CPE: variants seen among roughly 807,000 people sequenced by gnomAD.
The protein encoded by CPE is carbocypeptidase E.
A neutral mutation model predicts 53.5 loss-of-function variants in CPE; 17 were observed. The observed-to-expected ratio is 0.32, with a 90% CI of 0.22 to 0.48. The LOEUF is 0.48. Ranked by LOEUF, CPE falls within the 20% of genes least tolerant of loss-of-function variation. The pLI, the probability that CPE is intolerant of heterozygous loss-of-function variation, is 0.99. For missense variants in CPE, 524 were observed against 614.7 expected (o/e 0.85, Z 1.56); for synonymous variants, 226 against 228.8 (o/e 0.99, Z 0.11).
In CPE at chr4:165,421,316, A is replaced by G. The variant is rs56171549; in HGVS notation, c.307+41788A>G. On this transcript the variant is annotated intron_variant, in intron 1 of 8. Coordinates refer to ENST00000402744, the MANE Select transcript of CPE (RefSeq NM_001873.4). ...ACTTTTAGGACCTACGTGCCTGGCC[A>G]TAGCCTGGCCATAGCTCCTGGTCCT... Among the ~76,000 whole-genome samples, 513 of 152,340 alleles carry G rather than the reference A, an allele frequency of 3.4e-3. 2 individuals carry two copies. Among genetic ancestry groups the G allele is most frequent in the Middle Eastern group, 6.8e-3 (2 of 294 alleles).
intron 1 of CPE, among the ~76,000 whole-genome samples, chr4:165,392,419 G>C (rs1730698167): frequency 7.0e-6 from 1 of 143,008 alleles, no homozygotes; most frequent in African/African-American, 2.6e-5. Context: ...CTAATCTTTG[G>C]GTATTAATGA....
At chr4:165,411,213 TG>T (rs1194659721) in intron 1 of CPE, among the ~76,000 whole-genome samples, 1 of 152,158 alleles carries the variant, frequency 6.6e-6, no homozygotes, top group African/African-American at 2.4e-5. Flanking sequence ...AAAAAGACAT[TG>T]TTGGAAAGGG....
chr4:165,386,372 G>A, intron 1 of CPE: 1 of 423,052 alleles, frequency 2.4e-6, no homozygotes, highest in Non-Finnish European at 4.7e-6. Flanking sequence ...ATTATGCTTG[G>A]GACATAGTGG....
At chr4:165,434,468 A>G (rs1410256973) in intron 1 of CPE, among the ~76,000 whole-genome samples, 1 of 152,200 alleles carries the variant, frequency 6.6e-6, no homozygotes, top group Non-Finnish European at 1.5e-5. Context: ...GAACCACATG[A>G]AACTACCTAT....
intron 4 of CPE, among the ~76,000 whole-genome samples, chr4:165,483,139 C>G (rs894397620): frequency 6.6e-6 from 1 of 152,002 alleles, no homozygotes; most frequent in Admixed American, 6.6e-5. Context: ...TCACCCCTCA[C>G]CTCCTCCCAT....
intron 1 of CPE, among the ~76,000 whole-genome samples, chr4:165,460,175 C>T (rs747116033): frequency 1.4e-4 from 22 of 151,750 alleles, no homozygotes; most frequent in Non-Finnish European, 2.4e-4. Flanking sequence ...CAAACGTCAT[C>T]CATTTACGCA....
chr4:165,477,559 T>TAC, intron 3 of CPE, among the ~76,000 whole-genome samples: 1 of 152,300 alleles, frequency 6.6e-6, no homozygotes, highest in African/African-American at 2.4e-5. Context: ...TCATTAATGT[T>TAC]ATTATACATT....
chr4:165,449,684 T>C (rs1477197941), intron 1 of CPE, among the ~76,000 whole-genome samples: 1 of 152,186 alleles, frequency 6.6e-6, no homozygotes, highest in Non-Finnish European at 1.5e-5. Flanking sequence ...TTTCGTGCAA[T>C]TTCATGTAAA....
At chr4:165,401,052 A>AT (rs59154389) in intron 1 of CPE, among the ~76,000 whole-genome samples, 27,219 of 149,830 alleles carry the variant, frequency 0.18, 2,774 homozygotes, top group African/African-American at 0.28. Context: ...ACCTTATTTG[A>AT]TTTTTTTTTT....
At chr4:165,400,982 A>G (rs1458061347) in intron 1 of CPE, among the ~76,000 whole-genome samples, 1 of 152,084 alleles carries the variant, frequency 6.6e-6, no homozygotes, top group Non-Finnish European at 1.5e-5. Flanking sequence ...ATAAATTATG[A>G]GTTATCCCAG....
intron 1 of CPE, among the ~76,000 whole-genome samples, chr4:165,410,562 G>A (rs1731025906): frequency 1.3e-5 from 2 of 152,158 alleles, no homozygotes; most frequent in Non-Finnish European, 2.9e-5. Flanking sequence ...CTTGATTTAA[G>A]AGGCAGAAGT....
intron 1 of CPE, among the ~76,000 whole-genome samples, chr4:165,410,233 A>G (rs1212219333): frequency 7.0e-6 from 1 of 143,054 alleles, no homozygotes; most frequent in Non-Finnish European, 1.5e-5. Flanking sequence ...TGACAGAGGG[A>G]TACTCTGTAA....
At position 165,467,809 on chromosome 4, in the gene CPE, A is replaced by G; in HGVS notation, c.626A>G (p.Asn209Ser). 1.2e-6 allele frequency: 2 copies of G among 1,613,826 alleles called. No homozygotes were observed. The highest frequency in any genetic ancestry group is 1.7e-6 in the Non-Finnish European group (2 of 1,179,830). The change falls in exon 3 of 9, where the codon AAT becomes AGT. Residue 209 changes from asparagine to serine, a missense_variant. Physicochemically the swap from Asn to Ser is conservative, Grantham distance 46 (BLOSUM62 1). Coordinates refer to ENST00000402744, the MANE Select transcript of CPE (RefSeq NM_001873.4). ...YVNEKEGGPNNHLLKNMKKIV... is the reference protein window; with the variant it reads ...YVNEKEGGPNSHLLKNMKKIV... The stretch of plus-strand genomic sequence containing the variant: ...AATGAGAAAGAAGGTGGTCCAAATA[A>G]TCATCTGTTGAAAAATATGAAGAAA...
Position 165,487,481 on chromosome 4 carries a change from C to G in CPE, c.1017C>G (p.Ile339Met). The change falls in exon 6 of 9, where the codon ATC becomes ATG. Residue 339 changes from isoleucine to methionine, a missense_variant. Physicochemically the swap from Ile to Met is conservative, Grantham distance 10. Coordinates refer to ENST00000402744, the MANE Select transcript of CPE (RefSeq NM_001873.4). ...FNYLSSNCFE[I>M]TVELSCEKFP... is the part of the protein sequence containing the mutation. ...ACCTTAGCAGCAACTGTTTTGAGAT[C>G]ACCGTGGAGCTTAGCTGTGAGAAGT... 2 of 1,614,106 alleles carry G rather than the reference C, an allele frequency of 1.2e-6. No homozygotes were observed. The highest frequency in any genetic ancestry group is 1.7e-6 in the Non-Finnish European group (2 of 1,180,006).
intron 1 of CPE, among the ~76,000 whole-genome samples, chr4:165,412,451 G>A (rs1426425559): frequency 1.3e-5 from 2 of 152,076 alleles, no homozygotes; most frequent in Non-Finnish European, 2.9e-5. Flanking sequence ...AGAAAACAGG[G>A]ATTATTTTAT....
At chr4:165,449,984 A>G (rs1160544372) in intron 1 of CPE, among the ~76,000 whole-genome samples, 2 of 152,172 alleles carry the variant, frequency 1.3e-5, no homozygotes, top group African/African-American at 4.8e-5. Context: ...CTTATTAGCA[A>G]AAATAATGAA....
intron 1 of CPE, among the ~76,000 whole-genome samples, chr4:165,457,908 T>C (rs998891110): frequency 3.3e-5 from 5 of 152,254 alleles, no homozygotes; most frequent in African/African-American, 1.2e-4. Flanking sequence ...TGTTGTTTAT[T>C]GGACCCCTGG....
chr4:165,482,866 C>T (rs201684730), intron 4 of CPE, among the ~76,000 whole-genome samples: 3 of 152,162 alleles, frequency 2.0e-5, no homozygotes, highest in East Asian at 3.9e-4. Flanking sequence ...TTTAGTTAAG[C>T]TTCAGACAAA....
At chr4:165,469,856 C>A (rs1197445046) in intron 3 of CPE, among the ~76,000 whole-genome samples, 1 of 152,156 alleles carries the variant, frequency 6.6e-6, no homozygotes, top group African/African-American at 2.4e-5. Flanking sequence ...TGCAAGTAAG[C>A]AGACAGGAAT....
Sources: gnomAD v4.1 joint callset for allele counts (sites outside exome capture counted in the v4.1 genomes callset) on GRCh38, gnomAD v4.1.1 for gene constraint, MANE v1.5 for transcripts, NCBI Gene and HGNC (gene_info 2026-07-23, HGNC 2026-07-21) for gene names.